The following LARP1 variants were observed in gnomAD, a reference collection of about 807,000 sequenced individuals.
LARP1 encodes La ribonucleoprotein 1, translational regulator, also known as la-related protein 1.
A neutral mutation model predicts 122.7 loss-of-function variants in LARP1; 36 were observed. The ratio of observed to expected loss-of-function variants is 0.29; its 90% confidence interval spans 0.22 to 0.39. The LOEUF (loss-of-function observed/expected upper bound fraction) is 0.39, where lower values mean the gene tolerates loss of function less well. Among genes scored for constraint, LARP1 ranks in the 10% least tolerant of loss-of-function variants. LARP1 has a pLI of 1.00. For synonymous variants in LARP1, 539 were observed against 528.7 expected (o/e 1.02, Z -0.27); for missense variants, 1,040 against 1,403.6 (o/e 0.74, Z 4.14).
chr5:154,794,575 A>C (rs1347499785), intron 7 of LARP1, among the ~76,000 whole-genome samples: 3 of 152,190 alleles, frequency 2.0e-5, no homozygotes. Context: ...CATTTATTGA[A>C]TCCTTAGTAT....
chr5:154,684,749 C>G (rs930642142), intron 1 of LARP1, among the ~76,000 whole-genome samples: 7 of 152,060 alleles, frequency 4.6e-5, no homozygotes, highest in Non-Finnish European at 8.8e-5. Context: ...TTCATCTGTT[C>G]CATTGAAATC....
chr5:154,757,494 T>A (rs1754066078), intron 1 of LARP1, among the ~76,000 whole-genome samples: 1 of 151,988 alleles, frequency 6.6e-6, no homozygotes. Context: ...TGGGTCGGTT[T>A]TAAAATTGTC....
chr5:154,786,242 T>C (rs1427089084), intron 1 of LARP1, among the ~76,000 whole-genome samples: 5 of 152,146 alleles, frequency 3.3e-5, no homozygotes, highest in Admixed American at 3.3e-4. Flanking sequence ...AGTTTCACCA[T>C]GTTGGCCAGG....
intron 1 of LARP1, among the ~76,000 whole-genome samples, chr5:154,750,350 G>GTC (rs1246438675): frequency 2.0e-5 from 3 of 152,078 alleles, no homozygotes; most frequent in Admixed American, 2.0e-4. Context: ...GCTCACTGCA[G>GTC]TCTCAACTTC....
At chr5:154,700,977 G>GA (rs1227060459) in intron 1 of LARP1, among the ~76,000 whole-genome samples, 3 of 151,524 alleles carry the variant, frequency 2.0e-5, no homozygotes, top group Non-Finnish European at 4.4e-5. Flanking sequence ...AAAAAAAAAA[G>GA]AAAAAAATAT....
chr5:154,726,256 T>G (rs952689878), intron 1 of LARP1, among the ~76,000 whole-genome samples: 1 of 152,170 alleles, frequency 6.6e-6, no homozygotes, highest in East Asian at 1.9e-4. Flanking sequence ...ATTCAATCCC[T>G]TGTAGTACTT....
chr5:154,722,830 A>T (rs1361545759), intron 1 of LARP1, among the ~76,000 whole-genome samples: 1 of 152,040 alleles, frequency 6.6e-6, no homozygotes, highest in South Asian at 2.1e-4. Flanking sequence ...ACAGGTGCGT[A>T]CCACCATGCC....
intron 1 of LARP1, among the ~76,000 whole-genome samples, chr5:154,691,208 G>A (rs1754185345): frequency 6.7e-6 from 1 of 148,708 alleles, no homozygotes; most frequent in Non-Finnish European, 1.5e-5. Context: ...CTTGCAGTGA[G>A]CCGAGATCGC....
At chr5:154,789,255 C>T (rs1267955524) in intron 1 of LARP1, among the ~76,000 whole-genome samples, 64 of 134,666 alleles carry the variant, frequency 4.8e-4, no homozygotes, top group African/African-American at 1.6e-3. Flanking sequence ...AGTCTTGCTC[C>T]GTCGCCCAGG....
chr5:154,783,800 C>T (rs576267743), intron 1 of LARP1, among the ~76,000 whole-genome samples: 7 of 152,204 alleles, frequency 4.6e-5, no homozygotes, highest in African/African-American at 1.4e-4. Flanking sequence ...CGTGCATCTG[C>T]GATTTGCTGC....
chr5:154,788,709 G>A (rs1757083180), intron 1 of LARP1, among the ~76,000 whole-genome samples: 1 of 151,544 alleles, frequency 6.6e-6, no homozygotes, highest in Non-Finnish European at 1.5e-5. Flanking sequence ...AAGTGTGGAT[G>A]TAGAAGGGAC....
chr5:154,757,896 T>TC (rs1476071686), intron 1 of LARP1, among the ~76,000 whole-genome samples: 1 of 102,572 alleles, frequency 9.7e-6, no homozygotes, highest in Non-Finnish European at 1.9e-5. Flanking sequence ...TTCCTCCCCT[T>TC]CCCCCCTCCT....
intron 7 of LARP1, 70 bp downstream of exon 7, chr5:154,794,332 C>T: frequency 2.7e-6 from 4 of 1,493,816 alleles, no homozygotes; most frequent in Admixed American, 1.9e-5. Context: ...AGTGTCATAG[C>T]TGGGCAGGCC....
At chr5:154,725,173 T>C (rs995246158) in intron 1 of LARP1, among the ~76,000 whole-genome samples, 21 of 151,642 alleles carry the variant, frequency 1.4e-4, no homozygotes, top group Non-Finnish European at 2.5e-4. Context: ...GGGTGGATCA[T>C]GAGGTCAGGA....
intron 1 of LARP1, among the ~76,000 whole-genome samples, chr5:154,716,195 C>T (rs1755495206): frequency 6.6e-6 from 1 of 152,186 alleles, no homozygotes; most frequent in Non-Finnish European, 1.5e-5. Context: ...TCTCAGCCCC[C>T]TGCACCCTCT....
intron 1 of LARP1, among the ~76,000 whole-genome samples, chr5:154,750,177 T>A (rs1753411963): frequency 6.6e-6 from 1 of 152,242 alleles, no homozygotes; most frequent in Non-Finnish European, 1.5e-5. Flanking sequence ...TAATTACAAA[T>A]AGGTTTTTGT....
rs150583553 is a variant in LARP1 at position 154,731,068 on chromosome 5, G to A, written c.205+17938G>A. On this transcript the variant is annotated intron_variant, in intron 1 of 18. Coordinates refer to the LARP1 transcript ENST00000336314. ...TTCAACTCCTGACCTCAGGTGATCC[G>A]CCTGCCTTGGCCTCCCACAATGTTG... 4.9e-3 allele frequency among the ~76,000 whole-genome samples: 746 copies of A among 151,972 alleles called. 6 individuals carry two copies. Among genetic ancestry groups the A allele is most frequent in the African/African-American group, 0.017 (692 of 41,446 alleles).
chr5:154,769,199 A>G (rs1468205487), intron 1 of LARP1, among the ~76,000 whole-genome samples: 5 of 152,184 alleles, frequency 3.3e-5, no homozygotes, highest in South Asian at 2.1e-4. Flanking sequence ...TAAAGCTGTT[A>G]TAGGGGTAAA....
intron 3 of LARP1, among the ~76,000 whole-genome samples, chr5:154,791,031 G>C (rs1757298573): frequency 6.6e-6 from 1 of 151,922 alleles, no homozygotes; most frequent in African/African-American, 2.4e-5. Flanking sequence ...TGGCCAGGCT[G>C]GTCTCGAACT....
Sources: gnomAD v4.1 joint callset for allele counts (sites outside exome capture counted in the v4.1 genomes callset) on GRCh38, gnomAD v4.1.1 for gene constraint, MANE v1.5 for transcripts, NCBI Gene and HGNC (gene_info 2026-07-23, HGNC 2026-07-21) for gene names.